NRG1: variants seen among roughly 807,000 people sequenced by gnomAD.
The protein encoded by NRG1 is neuregulin 1, also known as pro-neuregulin-1, membrane-bound isoform.
NRG1 carries 18 observed loss-of-function variants against 63.8 expected under a neutral mutation model. The ratio of observed to expected loss-of-function variants is 0.28; its 90% CI spans 0.19 to 0.42. The LOEUF (loss-of-function observed/expected upper bound fraction) is 0.42, where lower values mean the gene tolerates loss of function less well. NRG1 is among the 10% of genes least tolerant of loss of function. The pLI, the probability that NRG1 is intolerant of heterozygous loss-of-function variation, is 1.00. For missense variants in NRG1, 762 were observed against 814.7 expected, an observed-to-expected ratio of 0.94 and a Z score of 0.79; for synonymous variants, 302 against 301.3, an observed-to-expected ratio of 1.00 and a Z score of -0.02.
At chr8:32,460,787 A>G (rs1822210706) in intron 1 of NRG1, among the ~76,000 whole-genome samples, 1 of 152,118 alleles carries the variant, frequency 6.6e-6, no homozygotes, top group Non-Finnish European at 1.5e-5. Flanking sequence ...TACAAAATAC[A>G]TCCTATTTTA....
upstream of NRG1, among the ~76,000 whole-genome samples, chr8:32,547,280 G>A (rs531541994): frequency 6.6e-6 from 1 of 152,224 alleles, no homozygotes; most frequent in South Asian, 2.1e-4. Context: ...GAGGACAAGG[G>A]AAGGAGTAGG....
At chr8:31,924,315 A>C (rs1699126) in intron 1 of NRG1, among the ~76,000 whole-genome samples, 136,432 of 151,754 alleles carry the variant, frequency 0.9, 62,131 homozygotes, top group African/African-American at 0.97. Flanking sequence ...TGCTCCACTG[A>C]ACTCCAGCCT....
intron 1 of NRG1, among the ~76,000 whole-genome samples, chr8:31,710,825 A>G (rs959958708): frequency 6.6e-6 from 1 of 152,112 alleles, no homozygotes; most frequent in Non-Finnish European, 1.5e-5. Flanking sequence ...TGATACTGAT[A>G]TAGCAGGTAT....
intron 1 of NRG1, among the ~76,000 whole-genome samples, chr8:32,368,885 A>T (rs1296208780): frequency 1.3e-5 from 2 of 152,346 alleles, no homozygotes; most frequent in East Asian, 3.9e-4. Flanking sequence ...AATCACCGTA[A>T]CACTGCACTC....
At chr8:32,769,171 T>C (rs1009477607), downstream of NRG1, among the ~76,000 whole-genome samples, 2 of 152,206 alleles carry the variant, frequency 1.3e-5, no homozygotes, top group African/African-American at 4.8e-5. Flanking sequence ...GATTGAGACA[T>C]TATTCTCAGT....
intron 1 of NRG1, among the ~76,000 whole-genome samples, chr8:32,270,715 A>C (rs1392708075): frequency 1.3e-5 from 2 of 152,188 alleles, no homozygotes; most frequent in Non-Finnish European, 2.9e-5. Flanking sequence ...GCTCATATGC[A>C]TCTCTTCCTC....
chr8:32,037,525 A>G (rs1586648521), intron 1 of NRG1, among the ~76,000 whole-genome samples: 1 of 152,202 alleles, frequency 6.6e-6, no homozygotes, highest in Non-Finnish European at 1.5e-5. Flanking sequence ...TGGCAGGCAG[A>G]AAAGAGTAAG....
At chr8:32,241,175 T>A (rs1285757397) in intron 1 of NRG1, among the ~76,000 whole-genome samples, 1 of 152,148 alleles carries the variant, frequency 6.6e-6, no homozygotes, top group Non-Finnish European at 1.5e-5. Context: ...AATCTGCATT[T>A]CTAGAAAGTT....
intron 1 of NRG1, among the ~76,000 whole-genome samples, chr8:32,577,455 C>T (rs1839871791): frequency 6.6e-6 from 1 of 152,178 alleles, no homozygotes; most frequent in Admixed American, 6.5e-5. Context: ...GCTGTAACTC[C>T]ATGCTTGCAT....
At chr8:32,649,306 G>A (rs555168317) in intron 5 of NRG1, among the ~76,000 whole-genome samples, 3 of 152,266 alleles carry the variant, frequency 2.0e-5, no homozygotes, top group East Asian at 1.9e-4. Flanking sequence ...TAGCTTTAGA[G>A]TGGAAAGTTG....
intron 5 of NRG1, among the ~76,000 whole-genome samples, chr8:32,661,760 G>A (rs1483237205): frequency 7.9e-5 from 12 of 151,746 alleles, no homozygotes; most frequent in Non-Finnish European, 1.5e-5. Flanking sequence ...ACCTCTAAAA[G>A]GAGAACAAAC....
At chr8:32,484,795 T>C (rs913918333) in intron 1 of NRG1, among the ~76,000 whole-genome samples, 2 of 152,216 alleles carry the variant, frequency 1.3e-5, no homozygotes, top group East Asian at 1.9e-4. Flanking sequence ...TTTTATGTTT[T>C]AATGGAAACA....
At chr8:32,450,695 C>T (rs536598149) in intron 1 of NRG1, among the ~76,000 whole-genome samples, 32 of 152,134 alleles carry the variant, frequency 2.1e-4, no homozygotes, top group Non-Finnish European at 2.6e-4. Flanking sequence ...AGATTATAGA[C>T]GTGAACCACT....
intron 1 of NRG1, among the ~76,000 whole-genome samples, chr8:32,359,169 A>G (rs1806878312): frequency 6.6e-6 from 1 of 152,132 alleles, no homozygotes; most frequent in Non-Finnish European, 1.5e-5. Flanking sequence ...AAAATGGCGT[A>G]ATGATACTTA....
At chr8:31,726,642 A>G (rs1813474073) in intron 1 of NRG1, among the ~76,000 whole-genome samples, 1 of 152,290 alleles carries the variant, frequency 6.6e-6, no homozygotes, top group South Asian at 2.1e-4. Context: ...AAGTACCAAT[A>G]CCAGTGGGGG....
chr8:32,581,040 T>C (rs1022834363), intron 1 of NRG1, among the ~76,000 whole-genome samples: 2 of 152,214 alleles, frequency 1.3e-5, no homozygotes, highest in African/African-American at 4.8e-5. Context: ...AATAAATTGC[T>C]TGTGAAAGAA....
At chr8:31,639,699 C>T (rs1351946844) in intron 1 of NRG1, 1 of 1,392,798 alleles carries the variant, frequency 7.2e-7, no homozygotes, top group African/African-American at 1.5e-5. Flanking sequence ...GGACCTGTCA[C>T]TCCCTGTAAC....
chr8:31,998,476 T>C (rs1301914281), intron 1 of NRG1, among the ~76,000 whole-genome samples: 3 of 152,050 alleles, frequency 2.0e-5, no homozygotes, highest in Non-Finnish European at 4.4e-5. Context: ...GAAGGTTTAA[T>C]AAAAGTAGTA....
intron 1 of NRG1, among the ~76,000 whole-genome samples, chr8:32,380,913 A>G (rs1458809862): frequency 6.6e-6 from 1 of 152,180 alleles, no homozygotes; most frequent in African/African-American, 2.4e-5. Context: ...TATAAGCTAG[A>G]AACATTCAAA....
Sources: gnomAD v4.1 joint callset for allele counts (sites outside exome capture counted in the v4.1 genomes callset) on GRCh38, gnomAD v4.1.1 for gene constraint, MANE v1.5 for transcripts, NCBI Gene and HGNC (gene_info 2026-07-23, HGNC 2026-07-21) for gene names.